Variants in NCOR2 observed in about 807,000 individuals in gnomAD.
NCOR2 encodes nuclear receptor corepressor 2, also known as CTG repeat protein 26.
Under a neutral mutation model 262.9 loss-of-function variants are expected in NCOR2, and 81 were observed. That is an observed-to-expected ratio of 0.31 (90% CI 0.26 to 0.37). The LOEUF is 0.37. Among genes scored for constraint, NCOR2 ranks in the 10% least tolerant of loss-of-function variants. The probability of loss-of-function intolerance (pLI) is 1.00; values close to 1 mark genes in which losing one functional copy is unlikely to be tolerated. For missense variants in NCOR2, 3,385 were observed against 3,621.4 expected (o/e 0.93, Z 1.68); for synonymous variants, 1,659 against 1,559.3 (o/e 1.06, Z -1.51).
intron 7 of NCOR2, among the ~76,000 whole-genome samples, chr12:124,447,713 C>A (rs55814503): frequency 0.11 from 15,620 of 147,356 alleles, 944 homozygotes; most frequent in East Asian, 0.18. Context: ...TTTTTTTTAA[C>A]AGAAACAGGG....
At chr12:124,439,211 G>A (rs111205147) in intron 7 of NCOR2, among the ~76,000 whole-genome samples, 4 of 132,156 alleles carry the variant, frequency 3.0e-5, no homozygotes, top group Admixed American at 7.8e-5. Context: ...AGAGACAGAG[G>A]GAGACAGAGA....
At position 124,503,709 on chromosome 12, in the gene NCOR2, T is replaced by C. The variant is rs201793775; in HGVS notation, c.-117-8341A>G. On this transcript the variant is annotated intron_variant, in intron 1 of 46. Transcript: ENST00000404621. This position sits in a 1 kb window ranked among gnomAD's most constrained non-coding sequence, Gnocchi z 4.3. Reference sequence around the variant, plus strand: ...ATGGATGGATGGATGGATGGATGGATGGACAGACGAATGGATGGATGGATG... The same window carrying C: ...ATGGATGGATGGATGGATGGATGGACGGACAGACGAATGGATGGATGGATG... 2.2e-4 allele frequency among the ~76,000 whole-genome samples: 32 copies of C among 146,600 alleles called. No homozygotes were observed. In the South Asian group the frequency reaches 4.5e-3, roughly 21 times the overall value.
exon 31 of NCOR2, chr12:124,346,598 G>A (rs2036960125): frequency 4.4e-6 from 7 of 1,582,696 alleles, no homozygotes; most frequent in Non-Finnish European, 5.1e-6. Context: ...CGGCCGCGGG[G>A]CCAGGGGCAG....
At chr12:124,355,792 A>C (rs986753072) in intron 23 of NCOR2, among the ~76,000 whole-genome samples, 1 of 152,118 alleles carries the variant, frequency 6.6e-6, no homozygotes, top group South Asian at 2.1e-4. Context: ...CCCACTGCCC[A>C]GGCCCTGATC....
chr12:124,359,877 G>C (rs1248555079), intron 22 of NCOR2, among the ~76,000 whole-genome samples: 1 of 152,256 alleles, frequency 6.6e-6, no homozygotes, highest in Non-Finnish European at 1.5e-5. Flanking sequence ...AGGTAGCGCT[G>C]GGTGTCAAGT....
At position 124,457,464 on chromosome 12, in the gene NCOR2, C is replaced by T. The variant is rs1034461313; in HGVS notation, c.706-302G>A. Among the ~76,000 whole-genome samples, 1 of 152,168 alleles carries T rather than the reference C, an allele frequency of 6.6e-6. No individual in the cohort carries two copies. Among genetic ancestry groups the T allele is most frequent in the Non-Finnish European group, 1.5e-5 (1 of 68,030 alleles). On this transcript the variant is annotated intron_variant, in intron 5 of 46. Transcript: ENST00000405201. This position sits in a 1 kb window ranked among gnomAD's most constrained non-coding sequence, Gnocchi z 4.0. ...GCGCAGGCCTCGCTCCCCCAGGGCC[C>T]AGCGACGTGGGCACCGCTCCCCACC...
At chr12:124,385,571 G>A (rs2040745703) in intron 17 of NCOR2, among the ~76,000 whole-genome samples, 174 bp downstream of exon 19, 1 of 152,178 alleles carries the variant, frequency 6.6e-6, no homozygotes, top group Non-Finnish European at 1.5e-5. Context: ...ATTGCCGCCT[G>A]CAGCCATCTC....
At chr12:124,436,304 T>C (rs2044334979) in intron 8 of NCOR2, among the ~76,000 whole-genome samples, 1 of 152,116 alleles carries the variant, frequency 6.6e-6, no homozygotes. Flanking sequence ...CCAGAAAGGA[T>C]ACAGGGAGCT....
At chr12:124,424,245 A>G (rs960217656) in intron 11 of NCOR2, among the ~76,000 whole-genome samples, 1 of 152,140 alleles carries the variant, frequency 6.6e-6, no homozygotes, top group South Asian at 2.1e-4. Context: ...CTAAAACATC[A>G]TGCCTACCAG....
chr12:124,477,955 C>T (rs1486436421), intron 3 of NCOR2, among the ~76,000 whole-genome samples: 2 of 152,234 alleles, frequency 1.3e-5, no homozygotes, highest in African/African-American at 4.8e-5. Context: ...CCTGTGCCAG[C>T]TCCAGGAAAA....
At position 124,532,393 on chromosome 12, in the gene NCOR2, C is replaced by T. The variant is rs2050850514; in HGVS notation, c.-118+3172G>A. ...AGGGGAGTGCAGAGCATCTGCCTGCCTCAATGTGCCCCCATGGCCCCACTC... is the reference window on the plus strand; with the variant it reads ...AGGGGAGTGCAGAGCATCTGCCTGCTTCAATGTGCCCCCATGGCCCCACTC... On this transcript the variant is annotated intron_variant, in intron 1 of 46. Coordinates refer to the NCOR2 transcript ENST00000404621. 2.6e-5 allele frequency among the ~76,000 whole-genome samples: 4 copies of T among 152,208 alleles called. No individual in the cohort carries two copies. In the South Asian group the frequency reaches 8.3e-4, roughly 31 times the overall value.
At chr12:124,498,837 A>G (rs1288596998), upstream of NCOR2, among the ~76,000 whole-genome samples, 1 of 152,226 alleles carries the variant, frequency 6.6e-6, no homozygotes, top group Non-Finnish European at 1.5e-5. Context: ...TGTGTCCTAC[A>G]CCACACATAA....
intron 18 of NCOR2, among the ~76,000 whole-genome samples, chr12:124,376,694 C>A (rs12822193): frequency 2.0e-5 from 3 of 152,192 alleles, no homozygotes; most frequent in Admixed American, 6.5e-5. Context: ...CTGGTGAAAC[C>A]CTGCGGGCTG....
At chr12:124,427,475 C>A (rs577704985) in intron 10 of NCOR2, among the ~76,000 whole-genome samples, 1 of 152,212 alleles carries the variant, frequency 6.6e-6, no homozygotes, top group Non-Finnish European at 1.5e-5. Context: ...CAATTACTGG[C>A]GATTAATTAC....
chr12:124,341,765 C>A, intron 34 of NCOR2, 58 bp downstream of exon 36: 1 of 1,553,310 alleles, frequency 6.4e-7, no homozygotes, highest in Non-Finnish European at 8.7e-7. Context: ...CAGGGGCACG[C>A]CCATGTCCTT....
chr12:124,556,890 G>A (rs901420654), intron 1 of NCOR2, among the ~76,000 whole-genome samples: 4 of 151,948 alleles, frequency 2.6e-5, no homozygotes, highest in African/African-American at 9.7e-5. Flanking sequence ...GCAAAGGAAT[G>A]AGACGAGGCC....
chr12:124,429,483 C>T (rs1404528645), intron 10 of NCOR2, 130 bp downstream of exon 12: 2 of 936,490 alleles, frequency 2.1e-6, no homozygotes, highest in Non-Finnish European at 1.6e-6. Context: ...ACCTTGATTC[C>T]ACCCGCGCTT....
At chr12:124,546,568 T>C (rs916399428) in intron 1 of NCOR2, among the ~76,000 whole-genome samples, 9 of 152,024 alleles carry the variant, frequency 5.9e-5, no homozygotes, top group Non-Finnish European at 1.0e-4. Context: ...GCGTCTGCCA[T>C]CACGCTCAGC....
chr12:124,345,836 C>T (rs1304133816), intron 31 of NCOR2, among the ~76,000 whole-genome samples: 1 of 152,226 alleles, frequency 6.6e-6, no homozygotes, highest in East Asian at 1.9e-4. Context: ...TTCCGCCTCA[C>T]AGCCCCACAG....
Sources: gnomAD v4.1 joint callset for allele counts (sites outside exome capture counted in the v4.1 genomes callset) on GRCh38, gnomAD v4.1.1 for gene constraint, Gnocchi (gnomAD v3.1) non-coding constraint, MANE v1.5 for transcripts, NCBI Gene and HGNC (gene_info 2026-07-23, HGNC 2026-07-21) for gene names.